Variants in NSMCE2 observed in about 807,000 individuals in gnomAD.
NSMCE2 encodes E3 SUMO-protein ligase NSE2.
NSMCE2 carries 24 observed loss-of-function variants against 23.8 expected under a neutral mutation model. The ratio of observed to expected loss-of-function variants is 1.01; its 90% CI spans 0.73 to 1.42. The LOEUF (loss-of-function observed/expected upper bound fraction) is 1.42. Among genes scored for constraint, NSMCE2 ranks in the 40% most tolerant of loss-of-function variants. The pLI is 0.00. For missense variants in NSMCE2, 284 were observed against 296.5 expected (o/e 0.96, Z 0.31); for synonymous variants, 92 against 94.1 (o/e 0.98, Z 0.13).
intron 3 of NSMCE2, among the ~76,000 whole-genome samples, chr8:125,150,422 C>CTTTTTTTTT (rs1820933390): frequency 1.1e-5 from 1 of 93,918 alleles, no homozygotes; most frequent in Non-Finnish European, 2.2e-5. Flanking sequence ...TCTTTTCTTT[C>CTTTTTTTTT]TTTCTTTTTT....
intron 5 of NSMCE2, among the ~76,000 whole-genome samples, chr8:125,233,129 G>T (rs1825400836): frequency 6.6e-6 from 1 of 152,166 alleles, no homozygotes; most frequent in Non-Finnish European, 1.5e-5. Flanking sequence ...ATGTTATCAT[G>T]TAATAGTGCT....
intron 5 of NSMCE2, among the ~76,000 whole-genome samples, chr8:125,320,125 G>A (rs554612108): frequency 8.1e-5 from 12 of 148,400 alleles, no homozygotes; most frequent in African/African-American, 3.0e-4. Flanking sequence ...TCAATGAGCC[G>A]AGATCACACC....
chr8:125,195,879 C>CTTTTTTT (rs34687223), intron 5 of NSMCE2, among the ~76,000 whole-genome samples: 113 of 83,654 alleles, frequency 1.4e-3, no homozygotes, highest in Non-Finnish European at 1.6e-3. Context: ...TCCTGAATAA[C>CTTTTTTT]TTTTTTTTTT....
intron 4 of NSMCE2, among the ~76,000 whole-genome samples, chr8:125,180,515 A>G (rs1192978412): frequency 6.6e-6 from 1 of 152,264 alleles, no homozygotes; most frequent in East Asian, 1.9e-4. Flanking sequence ...GACAAAAGTT[A>G]AAGCATATAC....
intron 4 of NSMCE2, among the ~76,000 whole-genome samples, chr8:125,154,328 A>C (rs1302270960): frequency 2.6e-5 from 4 of 152,116 alleles, no homozygotes; most frequent in Non-Finnish European, 5.9e-5. Flanking sequence ...AAAGTTTTGG[A>C]AGTTTTCTTT....
intron 5 of NSMCE2, among the ~76,000 whole-genome samples, chr8:125,291,772 G>C (rs7008046): frequency 0.86 from 130,701 of 152,196 alleles, 56,110 homozygotes; most frequent in Middle Eastern, 0.9. Context: ...GCCAGATCTC[G>C]TAAACAATAA....
chr8:125,288,693 A>G (rs78085118), intron 5 of NSMCE2, among the ~76,000 whole-genome samples: 4,059 of 152,232 alleles, frequency 0.027, 78 homozygotes, highest in Middle Eastern at 0.037. Flanking sequence ...AGTTCTATGC[A>G]TGTGTCTTTC....
intron 5 of NSMCE2, among the ~76,000 whole-genome samples, chr8:125,189,696 A>G (rs1333662230): frequency 6.6e-6 from 1 of 152,224 alleles, no homozygotes; most frequent in Non-Finnish European, 1.5e-5. Flanking sequence ...AAAAATTAGC[A>G]TTTATAGGGT....
intron 5 of NSMCE2, among the ~76,000 whole-genome samples, chr8:125,320,442 C>A (rs1050386149): frequency 6.6e-6 from 1 of 151,516 alleles, no homozygotes; most frequent in Non-Finnish European, 1.5e-5. Context: ...AGGGATCTTA[C>A]GATCAAATTG....
At chr8:125,190,465 T>G (rs1352439808) in intron 5 of NSMCE2, among the ~76,000 whole-genome samples, 1 of 152,174 alleles carries the variant, frequency 6.6e-6, no homozygotes, top group Non-Finnish European at 1.5e-5. Flanking sequence ...CTCTCTCTCT[T>G]CTCTTTTGTA....
chr8:125,327,189 C>G (rs1167536811), intron 5 of NSMCE2, among the ~76,000 whole-genome samples: 1 of 149,224 alleles, frequency 6.7e-6, no homozygotes, highest in African/African-American at 2.5e-5. Context: ...TCGCTTGAAC[C>G]TGGGAGGCAG....
intron 7 of NSMCE2, among the ~76,000 whole-genome samples, chr8:125,360,303 T>A (rs1156307917): frequency 6.6e-6 from 1 of 152,116 alleles, no homozygotes; most frequent in Non-Finnish European, 1.5e-5. Flanking sequence ...ACTATCGATG[T>A]GGATTGGGAG....
chr8:125,224,829 A>T (rs1484972212), intron 5 of NSMCE2, among the ~76,000 whole-genome samples: 1 of 152,204 alleles, frequency 6.6e-6, no homozygotes, highest in Non-Finnish European at 1.5e-5. Context: ...TTATATTTAC[A>T]ATTCAAACTC....
intron 4 of NSMCE2, among the ~76,000 whole-genome samples, chr8:125,168,142 AT>A (rs1389641926): frequency 6.6e-6 from 1 of 152,118 alleles, no homozygotes; most frequent in African/African-American, 2.4e-5. Flanking sequence ...TGGACTACTT[AT>A]GAGTTTAAGC....
At chr8:125,246,293 C>A (rs1316995812) in intron 5 of NSMCE2, among the ~76,000 whole-genome samples, 1 of 151,640 alleles carries the variant, frequency 6.6e-6, no homozygotes, top group Middle Eastern at 3.2e-3. Flanking sequence ...AAGCAATTCT[C>A]CTGCCTCAGC....
At chr8:125,141,419 T>C (rs1464158950) in intron 3 of NSMCE2, among the ~76,000 whole-genome samples, 1 of 152,234 alleles carries the variant, frequency 6.6e-6, no homozygotes, top group Non-Finnish European at 1.5e-5. Context: ...CCATGCTGAC[T>C]TTGTCAGTCT....
chr8:125,132,655 G>A (rs1296622615), intron 3 of NSMCE2, among the ~76,000 whole-genome samples: 2 of 151,870 alleles, frequency 1.3e-5, no homozygotes, highest in East Asian at 1.9e-4. Flanking sequence ...TACCACACTC[G>A]GGTCATTCTT....
chr8:125,106,944 C>T (rs924107339), intron 3 of NSMCE2, among the ~76,000 whole-genome samples: 13 of 141,026 alleles, frequency 9.2e-5, no homozygotes, highest in Non-Finnish European at 1.4e-4. Context: ...TGCAGTGAGC[C>T]GAGATCACGC....
intron 5 of NSMCE2, among the ~76,000 whole-genome samples, chr8:125,273,078 TG>T (rs1012280320): frequency 1.3e-5 from 2 of 152,190 alleles, no homozygotes; most frequent in African/African-American, 4.8e-5. Context: ...GCTTCATAAA[TG>T]GTTGCTGTTA....
Sources: allele counts gnomAD v4.1 joint callset (sites outside exome capture counted in the v4.1 genomes callset), GRCh38; gene constraint gnomAD v4.1.1; transcripts MANE v1.5; gene names NCBI Gene and HGNC (gene_info 2026-07-23, HGNC 2026-07-21).